Variants in CNBD1 observed in about 807,000 individuals in gnomAD.
The protein encoded by CNBD1 is cyclic nucleotide-binding domain-containing protein 1.
A neutral mutation model predicts 54.4 loss-of-function variants in CNBD1; 71 were observed. The ratio of observed to expected loss-of-function variants is 1.30; its 90% CI spans 1.08 to 1.59. The LOEUF (loss-of-function observed/expected upper bound fraction) is 1.59. Among genes scored for constraint, CNBD1 ranks in the 40% most tolerant of loss-of-function variants. The pLI, the probability that CNBD1 is intolerant of heterozygous loss-of-function variation, is 0.00. For missense variants in CNBD1, 659 were observed against 518.0 expected, an observed-to-expected ratio of 1.27 and a Z score of -2.64; for synonymous variants, 182 against 170.7, an observed-to-expected ratio of 1.07 and a Z score of -0.51.
chr8:86,982,791 A>G (rs993102293), intron 4 of CNBD1, among the ~76,000 whole-genome samples: 1 of 152,110 alleles, frequency 6.6e-6, no homozygotes, highest in African/African-American at 2.4e-5. Flanking sequence ...CTATGTAAGT[A>G]TTAGAATCCT....
intron 4 of CNBD1, among the ~76,000 whole-genome samples, chr8:87,204,472 A>T (rs1813928090): frequency 6.6e-6 from 1 of 152,102 alleles, no homozygotes; most frequent in African/African-American, 2.4e-5. Context: ...TGGGATGAGG[A>T]AGTACTGGGC....
chr8:87,127,092 G>A (rs182174988), intron 4 of CNBD1, among the ~76,000 whole-genome samples: 48 of 151,952 alleles, frequency 3.2e-4, no homozygotes, highest in African/African-American at 1.1e-3. Flanking sequence ...AATAAGTAAT[G>A]TTTGTCCTCC....
chr8:87,354,566 C>T (rs1335424354), intron 10 of CNBD1, among the ~76,000 whole-genome samples: 3 of 151,908 alleles, frequency 2.0e-5, no homozygotes, highest in Non-Finnish European at 2.9e-5. Flanking sequence ...TTCCCCCCAC[C>T]CCACAACTGT....
At chr8:87,169,548 A>G (rs1813042589) in intron 4 of CNBD1, among the ~76,000 whole-genome samples, 1 of 152,058 alleles carries the variant, frequency 6.6e-6, no homozygotes, top group Non-Finnish European at 1.5e-5. Context: ...GAGGTCTTAG[A>G]GTTAAGTCTT....
At chr8:86,975,852 A>G (rs761480630) in intron 4 of CNBD1, among the ~76,000 whole-genome samples, 5 of 152,026 alleles carry the variant, frequency 3.3e-5, no homozygotes, top group Non-Finnish European at 7.4e-5. Flanking sequence ...CCAGCAACGT[A>G]CAAGGAGTTC....
At chr8:87,162,218 A>C (rs572616406) in intron 4 of CNBD1, among the ~76,000 whole-genome samples, 6 of 152,244 alleles carry the variant, frequency 3.9e-5, no homozygotes, top group East Asian at 3.9e-4. Context: ...CTAAATTTGG[A>C]TAATAATGCT....
chr8:87,139,411 A>T (rs1299070106), intron 4 of CNBD1, among the ~76,000 whole-genome samples: 1 of 152,218 alleles, frequency 6.6e-6, no homozygotes, highest in Non-Finnish European at 1.5e-5. Context: ...CCACACAAAC[A>T]AATCTTCAGA....
rs1809530004 is a variant in CNBD1, at chr8:87,023,368, T to TG, written c.431+83615dup. 2.0e-5 allele frequency among the ~76,000 whole-genome samples: 3 copies of TG among 152,200 alleles called. 1 individual carries two copies. Among genetic ancestry groups the TG allele is most frequent in the Admixed American group, 2.0e-4 (3 of 15,278 alleles). On this transcript the variant is annotated intron_variant, in intron 4 of 10. Coordinates refer to ENST00000518476, the MANE Select transcript of CNBD1 (RefSeq NM_173538.3). ...TGAAATATGTAAAATAATAATCTAG[T>TG]GTAATTAGATAATTTAAAACCTCTA...
chr8:87,164,100 T>C (rs1418053412), intron 4 of CNBD1, among the ~76,000 whole-genome samples: 1 of 151,996 alleles, frequency 6.6e-6, no homozygotes, highest in Non-Finnish European at 1.5e-5. Context: ...TATTACATTG[T>C]TGATTTGCAT....
chr8:86,923,496 T>A (rs1809309521), intron 3 of CNBD1, among the ~76,000 whole-genome samples: 1 of 152,098 alleles, frequency 6.6e-6, no homozygotes, highest in African/African-American at 2.4e-5. Flanking sequence ...GGTCTTAGGG[T>A]CCCTGCCCCT....
intron 8 of CNBD1, among the ~76,000 whole-genome samples, chr8:87,293,824 A>C (rs913717105): frequency 6.6e-6 from 1 of 152,192 alleles, no homozygotes; most frequent in African/African-American, 2.4e-5. Flanking sequence ...CCAAAGTAGG[A>C]CTGATAATGT....
chr8:87,046,042 TA>T (rs58214390), intron 4 of CNBD1, among the ~76,000 whole-genome samples: 15,908 of 71,618 alleles, frequency 0.22, 982 homozygotes, highest in Non-Finnish European at 0.26. Flanking sequence ...CTTCCTCTCA[TA>T]AAAAAAAAAA....
chr8:86,960,783 A>G (rs990096469), intron 4 of CNBD1, among the ~76,000 whole-genome samples: 1 of 152,130 alleles, frequency 6.6e-6, no homozygotes, highest in Admixed American at 6.5e-5. Context: ...TCTGAGACGA[A>G]GCTTCCAGAG....
At chr8:87,338,402 G>C (rs930444892) in intron 8 of CNBD1, among the ~76,000 whole-genome samples, 4 of 152,018 alleles carry the variant, frequency 2.6e-5, no homozygotes, top group African/African-American at 7.2e-5. Context: ...TAAATTAATT[G>C]TTTCCTCGTT....
chr8:87,427,334 GT>G (rs780410586), intron 2 of CNBD1, among the ~76,000 whole-genome samples: 194 of 152,240 alleles, frequency 1.3e-3, no homozygotes, highest in Non-Finnish European at 1.6e-3. Flanking sequence ...ATTTAGAGCA[GT>G]ATGTATTAGT....
chr8:87,359,457 C>G (rs1810486887), intron 10 of CNBD1, among the ~76,000 whole-genome samples: 1 of 151,982 alleles, frequency 6.6e-6, no homozygotes. Context: ...GTGTTTATTT[C>G]AGAAAGCATT....
chr8:87,328,647 A>G (rs996710267), intron 8 of CNBD1, among the ~76,000 whole-genome samples: 2 of 151,990 alleles, frequency 1.3e-5, no homozygotes, highest in East Asian at 3.9e-4. Context: ...ATAAAATGCT[A>G]TTGGGTTTTA....
intron 2 of CNBD1, among the ~76,000 whole-genome samples, chr8:86,892,480 C>A (rs562302562): frequency 3.3e-5 from 5 of 152,064 alleles, no homozygotes; most frequent in African/African-American, 1.2e-4. Flanking sequence ...TGTTAATCAT[C>A]GTTATTTAAA....
At chr8:87,118,629 A>G (rs985987958) in intron 4 of CNBD1, among the ~76,000 whole-genome samples, 1 of 152,202 alleles carries the variant, frequency 6.6e-6, no homozygotes, top group Non-Finnish European at 1.5e-5. Flanking sequence ...GAGATAAGGT[A>G]TAAGTACCTT....
Sources: gnomAD v4.1 joint callset for allele counts (sites outside exome capture counted in the v4.1 genomes callset) on GRCh38, gnomAD v4.1.1 for gene constraint, MANE v1.5 for transcripts, NCBI Gene and HGNC (gene_info 2026-07-23, HGNC 2026-07-21) for gene names.